The following CSGALNACT2 variants were observed in gnomAD, a reference collection of about 807,000 sequenced individuals.
CSGALNACT2 encodes chondroitin sulfate N-acetylgalactosaminyltransferase 2, also known as beta 4 GalNAcT-2.
Under a neutral mutation model 55.3 loss-of-function variants are expected in CSGALNACT2, and 35 were observed. That is an observed-to-expected ratio of 0.63 (90% CI 0.48 to 0.84). The LOEUF is 0.84. Ranked by LOEUF, CSGALNACT2 falls within the 40% of genes least tolerant of loss-of-function variation. The pLI, the probability that CSGALNACT2 is intolerant of heterozygous loss-of-function variation, is 0.00. For missense variants in CSGALNACT2, 544 were observed against 657.5 expected, an observed-to-expected ratio of 0.83 and a Z score of 1.89; for synonymous variants, 196 against 224.9, an observed-to-expected ratio of 0.87 and a Z score of 1.15.
In CSGALNACT2 at chr10:43,166,986, C is replaced by A. The variant is rs982279142; in HGVS notation, c.1160-18C>A. The A allele has an allele frequency of 1.3e-6, 2 of 1,484,638 alleles. No individual in the cohort carries two copies. The highest frequency in any genetic ancestry group is 9.4e-7 in the Non-Finnish European group (1 of 1,068,330). The allele number at this position is 1,484,638 out of a possible 1,614,324, so 92.0% of individuals were successfully genotyped here. A position where few individuals can be genotyped will look rare whatever the true frequency, so the allele number is the denominator to read the frequency against. On this transcript the variant is annotated intron_variant, in intron 5 of 7. Coordinates refer to ENST00000374466, the MANE Select transcript of CSGALNACT2 (RefSeq NM_018590.5). ...CATAACTTCTTTTTATGTTACAAACCTATATTTTAATTTGTAGGTAAGAAG... is the reference window on the plus strand; with the variant it reads ...CATAACTTCTTTTTATGTTACAAACATATATTTTAATTTGTAGGTAAGAAG...
Position 43,160,507 on chromosome 10 carries a change from C to T in CSGALNACT2, c.892C>T (p.His298Tyr). ...FMQNFRDVCIHQDKKIHLTVV... is the reference protein window; with the variant it reads ...FMQNFRDVCIYQDKKIHLTVV... Reference sequence around the variant, plus strand: ...CACTTCTGTTAGGGATGTTTGTATTCATCAAGACAAGAAGATTCATCTCAC... The same window carrying T: ...CACTTCTGTTAGGGATGTTTGTATTTATCAAGACAAGAAGATTCATCTCAC... The change falls in exon 4 of 8, where the codon CAT (histidine) becomes TAT (tyrosine). Residue 298 changes from histidine (H) to tyrosine (Y), a missense_variant. His to Tyr is a moderately conservative substitution (Grantham distance 83). Coordinates refer to ENST00000374466, the MANE Select transcript of CSGALNACT2 (RefSeq NM_018590.5). 6.4e-7 allele frequency: 1 copy of T among 1,551,210 alleles called. No individual in the cohort carries two copies. Among genetic ancestry groups the T allele is most frequent in the Non-Finnish European group, 8.9e-7 (1 of 1,125,426 alleles).
At chr10:43,178,895 C>T (rs1479519854) in intron 7 of CSGALNACT2, among the ~76,000 whole-genome samples, 1 of 151,944 alleles carries the variant, frequency 6.6e-6, no homozygotes, top group Non-Finnish European at 1.5e-5. Flanking sequence ...TTTTCTTAGG[C>T]TCTGTTTATT....
chr10:43,179,272 A>T (rs1588915985), intron 7 of CSGALNACT2, among the ~76,000 whole-genome samples: 1 of 140,004 alleles, frequency 7.1e-6, no homozygotes, highest in African/African-American at 2.6e-5. Context: ...TTTTAAGCGT[A>T]TGTCACATCT....
intron 6 of CSGALNACT2, among the ~76,000 whole-genome samples, chr10:43,171,420 T>G (rs1297768870): frequency 2.0e-5 from 3 of 151,910 alleles, no homozygotes; most frequent in Non-Finnish European, 4.4e-5. Flanking sequence ...TGGCATGATC[T>G]TGGCTCACTG....
intron 3 of CSGALNACT2, among the ~76,000 whole-genome samples, chr10:43,159,187 G>C (rs1839089817): frequency 6.6e-6 from 1 of 151,974 alleles, no homozygotes; most frequent in Non-Finnish European, 1.5e-5. Flanking sequence ...TAATTGTTTT[G>C]AATTCATTTT....
At position 43,155,726 on chromosome 10, in the gene CSGALNACT2, A is replaced by C. The variant is rs1838991445; in HGVS notation, c.577A>C (p.Asn193His). 4 of 1,614,102 alleles carry C rather than the reference A, an allele frequency of 2.5e-6. No homozygotes were observed. Among genetic ancestry groups the C allele is most frequent in the Admixed American group, 3.3e-5 (2 of 60,012 alleles). ...TGAAGCGGGCTTGGAGGTCATTAAT[A>C]ATCCTGATGAAGATGATGAACAAGA... ...VIEAGLEVIN[N>H]PDEDDEQEDE... is the part of the protein sequence containing the mutation. The change falls in exon 2 of 8, where the codon AAT becomes CAT. Residue 193 changes from asparagine to histidine, a missense_variant. Transcript: ENST00000374466.
intron 1 of CSGALNACT2, among the ~76,000 whole-genome samples, chr10:43,151,801 A>C (rs1471517624): frequency 6.6e-6 from 1 of 152,232 alleles, no homozygotes; most frequent in Non-Finnish European, 1.5e-5. Flanking sequence ...AAACTAAGGC[A>C]GTAAGCTGGC....
intron 1 of CSGALNACT2, among the ~76,000 whole-genome samples, chr10:43,149,500 A>G (rs1838831047): frequency 6.6e-6 from 1 of 152,206 alleles, no homozygotes; most frequent in African/African-American, 2.4e-5. Flanking sequence ...ATATTGCATT[A>G]ATTGATTTTC....
intron 4 of CSGALNACT2, chr10:43,162,499 A>G (rs1318451344): frequency 1.3e-5 from 13 of 985,354 alleles, no homozygotes; most frequent in Middle Eastern, 1.0e-3. Context: ...TGGGGTGGCA[A>G]TGGGCAGTTT....
At chr10:43,140,124 G>A (rs1421655359) in intron 1 of CSGALNACT2, among the ~76,000 whole-genome samples, 3 of 152,086 alleles carry the variant, frequency 2.0e-5, no homozygotes. Flanking sequence ...GCAGTGAGCC[G>A]AGATCGTGCC....
chr10:43,164,433 C>T (rs922572018), intron 5 of CSGALNACT2, among the ~76,000 whole-genome samples: 1 of 152,144 alleles, frequency 6.6e-6, no homozygotes, highest in African/African-American at 2.4e-5. Flanking sequence ...GCAAAAATAC[C>T]CCCATGCATG....
chr10:43,158,109 T>G (rs1213133793), intron 2 of CSGALNACT2, among the ~76,000 whole-genome samples: 1 of 152,128 alleles, frequency 6.6e-6, no homozygotes, highest in Non-Finnish European at 1.5e-5. Context: ...TCACTGTGTT[T>G]AAATCTGTAC....
intron 2 of CSGALNACT2, among the ~76,000 whole-genome samples, chr10:43,156,930 T>C (rs1485180523): frequency 6.6e-6 from 1 of 152,246 alleles, no homozygotes; most frequent in Non-Finnish European, 1.5e-5. Flanking sequence ...ACATGTAGAC[T>C]TTTTGACTCC....
intron 6 of CSGALNACT2, among the ~76,000 whole-genome samples, chr10:43,169,165 G>A (rs1209848885): frequency 6.6e-6 from 1 of 152,136 alleles, no homozygotes; most frequent in African/African-American, 2.4e-5. Context: ...TACTGTTAGC[G>A]CATTCCCCCT....
intron 4 of CSGALNACT2, chr10:43,162,122 C>G: frequency 1.9e-6 from 1 of 517,498 alleles, no homozygotes; most frequent in South Asian, 1.4e-5. Flanking sequence ...GGATTGGAAC[C>G]AGAGACTTGA....
At chr10:43,143,956 A>G (rs1838687513) in intron 1 of CSGALNACT2, among the ~76,000 whole-genome samples, 1 of 152,234 alleles carries the variant, frequency 6.6e-6, no homozygotes, top group African/African-American at 2.4e-5. Flanking sequence ...TCAAGTAATC[A>G]AGAACTTATC....
chr10:43,169,546 G>A (rs1564518641), intron 6 of CSGALNACT2, among the ~76,000 whole-genome samples: 1 of 152,184 alleles, frequency 6.6e-6, no homozygotes, highest in African/African-American at 2.4e-5. Flanking sequence ...AATCAAATTT[G>A]TAAACTGGAA....
intron 1 of CSGALNACT2, among the ~76,000 whole-genome samples, chr10:43,150,513 T>A (rs943632093): frequency 5.3e-5 from 8 of 152,314 alleles, no homozygotes; most frequent in African/African-American, 1.9e-4. Flanking sequence ...GCTGGCATAT[T>A]TTTCTTTTTA....
Position 43,158,863 on chromosome 10 carries a change from A to G in CSGALNACT2, c.810A>G (p.Ser270=). 6.2e-7 allele frequency: 1 copy of G among 1,612,722 alleles called. No homozygotes were observed. Among genetic ancestry groups the G allele is most frequent in the Non-Finnish European group, 8.5e-7 (1 of 1,178,864 alleles). The change falls in exon 3 of 8, where the codon TCA becomes TCG. Residue 270 remains serine, a synonymous_variant. Transcript: ENST00000374466. ...GTGAGATGATTGACATCACTAGATC[A>G]ATTATTAATATCATTGTGCCACTTG... is the stretch of plus-strand genomic sequence containing the variant. The part of the protein sequence containing the change: ...VKSEMIDITR[S]IINIIVPLAE...
Sources: gnomAD v4.1 joint callset for allele counts (sites outside exome capture counted in the v4.1 genomes callset) on GRCh38, gnomAD v4.1.1 for gene constraint, MANE v1.5 for transcripts, NCBI Gene and HGNC (gene_info 2026-07-23, HGNC 2026-07-21) for gene names.